Variants in ST8SIA5 observed in about 807,000 individuals in gnomAD.
ST8SIA5 encodes the protein alpha-2,8-sialyltransferase 8E.
Under a neutral mutation model 40.2 loss-of-function variants are expected in ST8SIA5, and 24 were observed. That is an observed-to-expected ratio of 0.60 (90% CI 0.43 to 0.84). The LOEUF is 0.84. ST8SIA5 is among the 40% of genes least tolerant of loss of function. ST8SIA5 has a pLI of 0.00. For synonymous variants in ST8SIA5, 198 were observed against 201.8 expected, an observed-to-expected ratio of 0.98 and a Z score of 0.16; for missense variants, 465 against 498.5, an observed-to-expected ratio of 0.93 and a Z score of 0.64.
intron 1 of ST8SIA5, among the ~76,000 whole-genome samples, chr18:46,726,654 C>T (rs563669795): frequency 9.1e-4 from 138 of 152,178 alleles, no homozygotes; most frequent in Middle Eastern, 3.4e-3. Context: ...CACGGTGGCT[C>T]GTGCCTGTAA....
chr18:46,733,709 G>A (rs1172035552), intron 1 of ST8SIA5, among the ~76,000 whole-genome samples: 1 of 152,194 alleles, frequency 6.6e-6, no homozygotes, highest in African/African-American at 2.4e-5. Flanking sequence ...AGGACAGGAA[G>A]TGGGTGATGA....
chr18:46,732,548 C>T (rs996195488), intron 1 of ST8SIA5, among the ~76,000 whole-genome samples: 1 of 152,172 alleles, frequency 6.6e-6, no homozygotes, highest in East Asian at 1.9e-4. Flanking sequence ...CTGCCTGTCA[C>T]CACCCCCTCC....
chr18:46,674,970 G>C lies in ST8SIA5; in HGVS notation c.*5072C>G, dbSNP rs958723660. ...AGTAAGCCAGCTTGGGACATTCCCT[G>C]CATGACTTGGTAAAGAACCTGAAGT... On this transcript the variant is annotated 3_prime_UTR_variant, in exon 7 of 7. Transcript: ENST00000315087. 1.3e-5 allele frequency: 2 copies of C among 152,216 alleles called. No individual in the cohort carries two copies. The highest frequency in any genetic ancestry group is 4.8e-5 in the African/African-American group (2 of 41,434). The allele number at this position is 152,216 out of a possible 1,614,324, so 9.4% of individuals were successfully genotyped here. A position where few individuals can be genotyped will look rare whatever the true frequency, so the allele number is the denominator to read the frequency against.
intron 1 of ST8SIA5, among the ~76,000 whole-genome samples, chr18:46,708,564 C>T (rs931259664): frequency 3.3e-5 from 5 of 152,160 alleles, no homozygotes; most frequent in African/African-American, 9.7e-5. Flanking sequence ...CTATCAGGCT[C>T]CCATACTCTT....
chr18:46,692,253 A>C lies in ST8SIA5; in HGVS notation c.227T>G (p.Val76Gly), dbSNP rs776278780. 6 of 1,614,070 alleles carry C rather than the reference A, an allele frequency of 3.7e-6. No homozygotes were observed. In the Admixed American group the frequency reaches 1.0e-4, roughly 27 times the overall value. The stretch of plus-strand genomic sequence containing the variant: ...CCTGTCGAACAGCTCTGACTGCTTC[A>C]CCCTTGGGAGTAGAGGACAGAAGAG... Reference protein sequence around the residue: ...EILEVKVLSMVKQSELFDRWK... With the variant: ...EILEVKVLSMGKQSELFDRWK... Residue 76 changes from valine to glycine, a missense_variant and splice_region_variant, in exon 3 of 7, where the codon GTG becomes GGG. Val to Gly is a moderately radical substitution (Grantham distance 109). Transcript: ENST00000315087.
intron 6 of ST8SIA5, among the ~76,000 whole-genome samples, chr18:46,681,399 C>T (rs894527602): frequency 1.3e-5 from 2 of 152,236 alleles, no homozygotes; most frequent in Non-Finnish European, 2.9e-5. Context: ...CTCCTCTCAT[C>T]TCCCACTGTC....
At chr18:46,738,883 C>A (rs1281574895) in intron 1 of ST8SIA5, among the ~76,000 whole-genome samples, 2 of 152,186 alleles carry the variant, frequency 1.3e-5, no homozygotes, top group Non-Finnish European at 2.9e-5. Context: ...TTCGCATCCT[C>A]AAGTCTCAGG....
intron 1 of ST8SIA5, among the ~76,000 whole-genome samples, chr18:46,724,514 T>G (rs1723426338): frequency 6.6e-6 from 1 of 152,248 alleles, no homozygotes; most frequent in African/African-American, 2.4e-5. Context: ...ATTTATCCAT[T>G]TATTTATTTA....
At chr18:46,742,068 T>A (rs561862421) in intron 1 of ST8SIA5, among the ~76,000 whole-genome samples, 1 of 151,242 alleles carries the variant, frequency 6.6e-6, no homozygotes, top group East Asian at 1.9e-4. Flanking sequence ...AGCCACTGCA[T>A]CCAGCCTGGG....
chr18:46,701,332 G>C lies in ST8SIA5; in HGVS notation c.224+3240C>G, dbSNP rs144149289. Among the ~76,000 whole-genome samples the C allele has an allele frequency of 2.7e-3, 409 of 151,754 alleles. 3 individuals are homozygous for C. Among genetic ancestry groups the C allele is most frequent in the African/African-American group, 9.4e-3 (387 of 41,362 alleles). On this transcript the variant is annotated intron_variant, in intron 2 of 6. Transcript: ENST00000315087. ...ATTTTTGTATTTTTAGTAGAGACAGGGTTTCACCATGTTGGCCAGGCTGGT... is the reference window on the plus strand; with the variant it reads ...ATTTTTGTATTTTTAGTAGAGACAGCGTTTCACCATGTTGGCCAGGCTGGT...
intron 1 of ST8SIA5, among the ~76,000 whole-genome samples, chr18:46,707,049 G>GT (rs1380941189): frequency 6.6e-6 from 1 of 152,162 alleles, no homozygotes; most frequent in Non-Finnish European, 1.5e-5. Context: ...AGAACAAGGG[G>GT]TCAGCCTAGG....
At chr18:46,686,513 G>C (rs1312847628) in intron 4 of ST8SIA5, among the ~76,000 whole-genome samples, 1 of 152,124 alleles carries the variant, frequency 6.6e-6, no homozygotes, top group African/African-American at 2.4e-5. Context: ...TGAAGCCCAG[G>C]GCCTGCTGGG....
At chr18:46,680,548 T>TCCGTGC in intron 6 of ST8SIA5, 38 bp from the exon 7 acceptor site, 2 of 1,515,172 alleles carry the variant, frequency 1.3e-6, no homozygotes, top group Non-Finnish European at 1.8e-6. Flanking sequence ...CACCCACTCC[T>TCCGTGC]CCGTGCCCTC....
At chr18:46,725,972 A>ATATATATAT (rs1555696956) in intron 1 of ST8SIA5, among the ~76,000 whole-genome samples, 16 of 29,058 alleles carry the variant, frequency 5.5e-4, no homozygotes, top group South Asian at 1.4e-3. Flanking sequence ...AAAAAAAAAA[A>ATATATATAT]ATATATATAT....
At chr18:46,734,778 A>G (rs961978006) in intron 1 of ST8SIA5, among the ~76,000 whole-genome samples, 2 of 152,246 alleles carry the variant, frequency 1.3e-5, no homozygotes, top group African/African-American at 4.8e-5. Flanking sequence ...CACTTAGTAT[A>G]TAAGATAGTT....
At chr18:46,714,795 C>T (rs2039770096) in intron 1 of ST8SIA5, among the ~76,000 whole-genome samples, 1 of 152,194 alleles carries the variant, frequency 6.6e-6, no homozygotes, top group African/African-American at 2.4e-5. Flanking sequence ...CTTTGTATCA[C>T]CCCCAGAGTT....
rs184680148 is a variant in ST8SIA5 at position 46,745,863 on chromosome 18, C to T, written c.131+10515G>A. ...TCCAGCAGCACATCAAAAAGCTTAT[C>T]CACCACGATCAAGTGGGCTTCATCC... On this transcript the variant is annotated intron_variant, in intron 1 of 6. Transcript: ENST00000315087. 2.0e-4 allele frequency among the ~76,000 whole-genome samples: 31 copies of T among 152,330 alleles called. No individual in the cohort carries two copies. The East Asian group carries it at 5.6e-3, about 27-fold the overall frequency.
chr18:46,752,395 A>G (rs1234670240), intron 1 of ST8SIA5, among the ~76,000 whole-genome samples: 1 of 152,226 alleles, frequency 6.6e-6, no homozygotes, highest in Non-Finnish European at 1.5e-5. Context: ...AATCTGCATG[A>G]AGTATTTGTT....
At chr18:46,697,562 C>G (rs2039568737) in intron 2 of ST8SIA5, among the ~76,000 whole-genome samples, 1 of 152,124 alleles carries the variant, frequency 6.6e-6, no homozygotes, top group African/African-American at 2.4e-5. Context: ...AAACATCAGC[C>G]AGGTGTGGCT....
Sources: allele counts gnomAD v4.1 joint callset (sites outside exome capture counted in the v4.1 genomes callset), GRCh38; gene constraint gnomAD v4.1.1; transcripts MANE v1.5; gene names NCBI Gene and HGNC (gene_info 2026-07-23, HGNC 2026-07-21).